Variants in KAZN observed in about 807,000 individuals in gnomAD.
KAZN encodes kazrin.
A neutral mutation model predicts 87.4 loss-of-function variants in KAZN; 40 were observed. That is an observed-to-expected ratio of 0.46 (90% CI 0.36 to 0.60). The LOEUF (loss-of-function observed/expected upper bound fraction) is 0.60, where lower values mean the gene tolerates loss of function less well. Among genes scored for constraint, KAZN ranks in the 20% least tolerant of loss-of-function variants. The pLI is 0.00. For synonymous variants in KAZN, 466 were observed against 458.3 expected (o/e 1.02, Z -0.22); for missense variants, 898 against 1,073.9 (o/e 0.84, Z 2.29).
chr1:14,953,951 A>C (rs1382344540), intron 1 of KAZN, among the ~76,000 whole-genome samples: 1 of 152,152 alleles, frequency 6.6e-6, no homozygotes, highest in Admixed American at 6.5e-5. Context: ...TGAAAATAGC[A>C]TTTTTAGAAA....
chr1:14,644,393 G>A (rs570119114), intron 1 of KAZN, among the ~76,000 whole-genome samples: 14 of 144,384 alleles, frequency 9.7e-5, no homozygotes, highest in African/African-American at 2.3e-4. Flanking sequence ...ACTGAGTCTC[G>A]CTCTGTCACC....
At chr1:14,557,914 C>CTAA (rs35731376) in intron 2 of KAZN, among the ~76,000 whole-genome samples, 34,172 of 151,896 alleles carry the variant, frequency 0.22, 3,876 homozygotes, top group Non-Finnish European at 0.25. Context: ...AGCCAGTGCA[C>CTAA]TAATATTATT....
chr1:14,670,777 G>T (rs1639870649), intron 1 of KAZN, among the ~76,000 whole-genome samples: 2 of 152,218 alleles, frequency 1.3e-5, no homozygotes, highest in South Asian at 4.1e-4. Flanking sequence ...CTGAGATTCT[G>T]CATTTCTGGT....
intron 8 of KAZN, among the ~76,000 whole-genome samples, chr1:15,082,953 C>T (rs1361369459): frequency 2.0e-5 from 3 of 152,168 alleles, no homozygotes; most frequent in Admixed American, 6.5e-5. Context: ...TTTTAACCAC[C>T]TCCCTGGTAG....
At chr1:14,376,603 C>T (rs1448101628) in intron 2 of KAZN, among the ~76,000 whole-genome samples, 1 of 152,148 alleles carries the variant, frequency 6.6e-6, no homozygotes, top group Non-Finnish European at 1.5e-5. Context: ...ATAAATTACT[C>T]AGTTTGTGGT....
intron 2 of KAZN, among the ~76,000 whole-genome samples, chr1:14,411,655 T>C (rs1266316593): frequency 2.0e-5 from 3 of 152,140 alleles, no homozygotes; most frequent in African/African-American, 7.2e-5. Flanking sequence ...CTTCTAAAAG[T>C]TACATGCACT....
rs565809303 is a variant in KAZN at position 14,773,495 on chromosome 1, C to G, written c.226+174272C>G. Among the ~76,000 whole-genome samples the G allele has an allele frequency of 8.5e-5, 13 of 152,278 alleles. No homozygotes were observed. Among genetic ancestry groups the G allele is most frequent in the African/African-American group, 3.1e-4 (13 of 41,566 alleles). ...ACACCCCCGAGGGAGGAAGGCCCTTCCAGAGTGGTCACTGGGAGGCAAAAG... is the reference window on the plus strand; with the variant it reads ...ACACCCCCGAGGGAGGAAGGCCCTTGCAGAGTGGTCACTGGGAGGCAAAAG... On this transcript the variant is annotated intron_variant, in intron 1 of 14. Coordinates refer to ENST00000376030, the MANE Select transcript of KAZN (RefSeq NM_201628.3). The surrounding 1 kb of genome is among the most constrained non-coding windows in gnomAD (Gnocchi z 5.9).
intron 2 of KAZN, among the ~76,000 whole-genome samples, chr1:15,003,063 C>T (rs1048872541): frequency 7.9e-5 from 12 of 151,722 alleles, no homozygotes; most frequent in African/African-American, 1.7e-4. Flanking sequence ...TATCCTCAGG[C>T]GACAGAAGGG....
chr1:14,007,186 T>C (rs986832837), intron 1 of KAZN, among the ~76,000 whole-genome samples: 1 of 152,224 alleles, frequency 6.6e-6, no homozygotes, highest in Non-Finnish European at 1.5e-5. Flanking sequence ...TGATTTTGTA[T>C]CCTGCAACTT....
chr1:13,988,342 A>G (rs1639118551), intron 1 of KAZN, among the ~76,000 whole-genome samples: 1 of 152,162 alleles, frequency 6.6e-6, no homozygotes, highest in Admixed American at 6.6e-5. Context: ...GCTGTAACAC[A>G]CAACTGGAAA....
At position 14,334,195 on chromosome 1, in the gene KAZN, G is replaced by A. The variant is rs111662773; in HGVS notation, c.249+153603G>A. ...AGCCTGACCAACATGGTGAAACCCC[G>A]TCTCTACTAAAAATACAAAATTAGC... On this transcript the variant is annotated intron_variant, in intron 2 of 16. Coordinates refer to the KAZN transcript ENST00000636203. Among the ~76,000 whole-genome samples the A allele has an allele frequency of 9.2e-3, 1,400 of 151,856 alleles. 10 individuals are homozygous for A. Among genetic ancestry groups the A allele is most frequent in the Non-Finnish European group, 0.014 (964 of 67,922 alleles).
chr1:14,340,475 C>T (rs770325430), intron 2 of KAZN, among the ~76,000 whole-genome samples: 23 of 152,210 alleles, frequency 1.5e-4, no homozygotes, highest in Non-Finnish European at 1.8e-4. Flanking sequence ...ACCCCCAGTT[C>T]TGGCAGTTAC....
chr1:14,859,345 C>T (rs868284504), intron 1 of KAZN, among the ~76,000 whole-genome samples: 9 of 152,294 alleles, frequency 5.9e-5, no homozygotes, highest in Middle Eastern at 3.4e-3. Context: ...CCCTCCATTT[C>T]ACAGATGAGA....
chr1:14,329,999 A>G (rs1034765006), intron 2 of KAZN, among the ~76,000 whole-genome samples: 1 of 152,212 alleles, frequency 6.6e-6, no homozygotes. Context: ...ATTAATGAGG[A>G]TAGGGTATTG....
intron 1 of KAZN, among the ~76,000 whole-genome samples, chr1:14,782,463 G>A (rs184423202): frequency 3.4e-5 from 5 of 146,976 alleles, no homozygotes; most frequent in East Asian, 2.1e-4. Context: ...CAGGAGAATC[G>A]CTTGAACCCA....
At chr1:14,580,554 G>A (rs1169946010) in intron 2 of KAZN, among the ~76,000 whole-genome samples, 1 of 152,174 alleles carries the variant, frequency 6.6e-6, no homozygotes, top group Non-Finnish European at 1.5e-5. Flanking sequence ...AATGACGAAT[G>A]TGTGGCTGAC....
intron 2 of KAZN, among the ~76,000 whole-genome samples, chr1:14,187,081 TTA>T (rs1557546496): frequency 6.6e-6 from 1 of 152,190 alleles, no homozygotes; most frequent in Non-Finnish European, 1.5e-5. Context: ...TTGGGTATTA[TTA>T]TCTCTATTTT....
At chr1:14,333,963 G>T (rs948201161) in intron 2 of KAZN, among the ~76,000 whole-genome samples, 3 of 152,180 alleles carry the variant, frequency 2.0e-5, no homozygotes, top group Non-Finnish European at 4.4e-5. Context: ...AGGAGGCGTG[G>T]TCATCATAAG....
rs528207412 is a variant in KAZN, at chr1:14,031,405, T to C, written c.91+137649T>C. Among the ~76,000 whole-genome samples the C allele has an allele frequency of 8.5e-5, 13 of 152,390 alleles. No homozygotes were observed. The South Asian group carries it at 2.5e-3, about 29-fold the overall frequency. On this transcript the variant is annotated intron_variant, in intron 1 of 16. Transcript: ENST00000636203. ...AGCTACCCAGATGAAGGATGCTTGCTGAAGATGTTGCGGGCAACCAGCACT... is the reference window on the plus strand; with the variant it reads ...AGCTACCCAGATGAAGGATGCTTGCCGAAGATGTTGCGGGCAACCAGCACT...
Sources: gnomAD v4.1 joint callset for allele counts (sites outside exome capture counted in the v4.1 genomes callset) on GRCh38, gnomAD v4.1.1 for gene constraint, Gnocchi (gnomAD v3.1) non-coding constraint, MANE v1.5 for transcripts, NCBI Gene and HGNC (gene_info 2026-07-23, HGNC 2026-07-21) for gene names.